The following SPANXN3 variants were observed in gnomAD, a reference collection of about 807,000 sequenced individuals.
The protein encoded by SPANXN3 is SPANX family member N3, also known as sperm protein associated with the nucleus on the X chromosome N3.
Under a neutral mutation model 1.9 loss-of-function variants are expected in SPANXN3, and 1 was observed. The ratio of observed to expected loss-of-function variants is 0.54; its 90% confidence interval spans 0.19 to 2.54. SPANXN3 has a LOEUF of 2.54. Among genes scored for constraint, SPANXN3 ranks in the 30% most tolerant of loss-of-function variants. The probability of loss-of-function intolerance (pLI) is 0.24; values close to 1 mark genes in which losing one functional copy is unlikely to be tolerated. For missense variants in SPANXN3, 113 were observed against 96.2 expected, an observed-to-expected ratio of 1.17 and a Z score of -0.73; for synonymous variants, 47 against 40.0, an observed-to-expected ratio of 1.17 and a Z score of -0.66.
intron 1 of SPANXN3, among the ~76,000 whole-genome samples, chrX:143,511,204 C>T (rs1330914160): frequency 9.0e-6 from 1 of 111,311 alleles, no homozygotes; most frequent in East Asian, 2.8e-4. Flanking sequence ...ACACCCTCCA[C>T]CAACAAGATG....
chrX:143,513,790 C>T (rs1929152279), intron 1 of SPANXN3, among the ~76,000 whole-genome samples: 1 of 111,967 alleles, frequency 8.9e-6, no homozygotes, highest in Admixed American at 9.4e-5. Context: ...TTAATGGAAG[C>T]TCTTTTAGGG....
chrX:143,513,936 A>T lies in SPANXN3; in HGVS notation c.78+3378T>A, dbSNP rs1373317643. On this transcript the variant is annotated intron_variant, in intron 1 of 1. Transcript: ENST00000370503. The stretch of plus-strand genomic sequence containing the variant: ...AGGGCCCTCACCCTAGCAAAGGGAA[A>T]GAGGGTCAACATTTACACCCATTCC... 3.6e-5 allele frequency among the ~76,000 whole-genome samples: 4 copies of T among 112,391 alleles called. No homozygotes were observed. The East Asian group carries it at 1.1e-3, about 32-fold the overall frequency.
chrX:143,510,788 G>C (rs1360612851), intron 1 of SPANXN3, among the ~76,000 whole-genome samples: 3 of 109,093 alleles, frequency 2.7e-5, no homozygotes, highest in African/African-American at 1.0e-4. Flanking sequence ...CCTTCGTCTG[G>C]CTCCTGCCCT....
chrX:143,517,383 C>G lies in SPANXN3; in HGVS notation c.9G>C (p.Gln3His). ...TCTCCCCATTGGTGCTGGAAGTTGGCTGTTCCATGATTCTGGTTGGTTGTA... is the reference window on the plus strand; with the variant it reads ...TCTCCCCATTGGTGCTGGAAGTTGGGTGTTCCATGATTCTGGTTGGTTGTA... Reference protein sequence around the residue: MEQPTSSTNGEKT... With the variant: MEHPTSSTNGEKT... The change falls in exon 1 of 2, where the codon CAG becomes CAC. Residue 3 changes from glutamine (Q) to histidine (H), a missense_variant. Gln to His is a conservative substitution (Grantham distance 24, BLOSUM62 0). Coordinates refer to ENST00000370503, the MANE Select transcript of SPANXN3 (RefSeq NM_001009609.4). The G allele has an allele frequency of 8.3e-7, 1 of 1,211,349 alleles. No individual in the cohort carries two copies. Among genetic ancestry groups the G allele is most frequent in the Non-Finnish European group, 1.1e-6 (1 of 895,162 alleles).
At chrX:143,509,744 AC>A in intron 1 of SPANXN3, 1 of 119,647 alleles carries the variant, frequency 8.4e-6, no homozygotes. Flanking sequence ...ACCTGTAAGT[AC>A]CCCAGGCTAT....
chrX:143,513,854 T>C (rs1419748978), intron 1 of SPANXN3, among the ~76,000 whole-genome samples: 1 of 111,890 alleles, frequency 8.9e-6, no homozygotes, highest in East Asian at 2.8e-4. Flanking sequence ...ACTCCTAGAA[T>C]CCAATGCTCT....
Position 143,509,294 on chromosome X carries a change from G to C in SPANXN3, c.79-132C>G, listed in dbSNP as rs782589533. 4.2e-5 allele frequency: 22 copies of C among 529,222 alleles called. No individual in the cohort carries two copies. In the East Asian group the frequency reaches 6.4e-4, roughly 15 times the overall value. The allele number at this position is 529,222 out of a possible 1,213,427, so 43.6% of individuals were successfully genotyped here. A position where few individuals can be genotyped will look rare whatever the true frequency, so the allele number is the denominator to read the frequency against. On this transcript the variant is annotated intron_variant, in intron 1 of 1. Coordinates refer to ENST00000370503, the MANE Select transcript of SPANXN3 (RefSeq NM_001009609.4). Reference sequence around the variant, plus strand: ...GGTGTGTGCCAGAGAAGAACAAGGTGAAATCATAGGGTAGGTATCTATGCA... The same window carrying C: ...GGTGTGTGCCAGAGAAGAACAAGGTCAAATCATAGGGTAGGTATCTATGCA...
At chrX:143,511,432 A>T in intron 1 of SPANXN3, among the ~76,000 whole-genome samples, 1 of 111,097 alleles carries the variant, frequency 9.0e-6, no homozygotes, top group African/African-American at 3.3e-5. Context: ...GGCAAAATCT[A>T]CCTCCATTTA....
intron 1 of SPANXN3, among the ~76,000 whole-genome samples, chrX:143,512,447 A>C (rs1929114979): frequency 9.0e-6 from 1 of 111,198 alleles, no homozygotes; most frequent in Non-Finnish European, 1.9e-5. Context: ...TCATATTCTC[A>C]AGCCTGTTAA....
chrX:143,510,796 C>T (rs1338284225), intron 1 of SPANXN3, among the ~76,000 whole-genome samples: 2 of 109,684 alleles, frequency 1.8e-5, no homozygotes, highest in African/African-American at 6.7e-5. Context: ...TGGCTCCTGC[C>T]CTCTCCCATT....
chrX:143,515,639 C>A (rs1405748464), intron 1 of SPANXN3, among the ~76,000 whole-genome samples: 1 of 110,352 alleles, frequency 9.1e-6, no homozygotes, highest in Non-Finnish European at 1.9e-5. Flanking sequence ...GAGCCCCCTT[C>A]ATCAGCCTCA....
chrX:143,510,814 C>T (rs1362431763), intron 1 of SPANXN3, among the ~76,000 whole-genome samples: 1 of 109,903 alleles, frequency 9.1e-6, no homozygotes, highest in Admixed American at 9.7e-5. Flanking sequence ...ATTCCCTCCA[C>T]CTTCTCCTTC....
intron 1 of SPANXN3, among the ~76,000 whole-genome samples, chrX:143,510,530 A>G (rs1225385521): frequency 9.0e-6 from 1 of 111,436 alleles, no homozygotes; most frequent in Non-Finnish European, 1.9e-5. Context: ...ACTCCCATCC[A>G]GAGTATTCAC....
chrX:143,514,204 G>A (rs1371640142), intron 1 of SPANXN3, among the ~76,000 whole-genome samples: 15 of 111,849 alleles, frequency 1.3e-4, no homozygotes, highest in Non-Finnish European at 2.6e-4. Flanking sequence ...AAACCCCATC[G>A]TTATTGCTCA....
intron 1 of SPANXN3, among the ~76,000 whole-genome samples, chrX:143,516,965 G>A (rs782543031): frequency 4.2e-4 from 47 of 111,956 alleles, no homozygotes; most frequent in African/African-American, 1.3e-3. Flanking sequence ...TTGCCTAATC[G>A]TCGTAACACA....
intron 1 of SPANXN3, among the ~76,000 whole-genome samples, chrX:143,515,920 C>T (rs1206899978): frequency 8.9e-6 from 1 of 112,100 alleles, no homozygotes; most frequent in Non-Finnish European, 1.9e-5. Flanking sequence ...AGCCTCTTAA[C>T]TGAATATGTT....
At position 143,517,320 on chromosome X, in the gene SPANXN3, A is replaced by AT. The variant is rs781940283; in HGVS notation, c.71dup (p.Asn24LysfsTer2). The AT allele has an allele frequency of 2.5e-6, 3 of 1,206,775 alleles. No individual in the cohort carries two copies. Among genetic ancestry groups the AT allele is most frequent in the Non-Finnish European group, 2.2e-6 (2 of 892,987 alleles). On this transcript the variant is annotated frameshift_variant, in exon 1 of 2. Coordinates refer to ENST00000370503, the MANE Select transcript of SPANXN3 (RefSeq NM_001009609.4). LOFTEE classifies it low-confidence loss of function (END_TRUNC). ...CAAAACCTGACAATCTTACCTCATC[A>AT]TTTTTTTTGTTATTGGATTCACAGG...
rs1556411185 is a variant in SPANXN3 at position 143,508,765 on chromosome X, C to T, written c.*50G>A. ...TCCTTAAACTTGATTTTATTGTAATCATCGCCATCAGTGGTGATGATTTGT... is the reference window on the plus strand; with the variant it reads ...TCCTTAAACTTGATTTTATTGTAATTATCGCCATCAGTGGTGATGATTTGT... On this transcript the variant is annotated 3_prime_UTR_variant, in exon 2 of 2. Transcript: ENST00000370503. 2.0e-6 allele frequency: 2 copies of T among 1,017,532 alleles called. No homozygotes were observed. Among genetic ancestry groups the T allele is most frequent in the Admixed American group, 2.4e-5 (1 of 41,109 alleles). The allele number at this position is 1,017,532 out of a possible 1,213,427, so 83.9% of individuals were successfully genotyped here.
At chrX:143,512,648 T>G (rs1929121007) in intron 1 of SPANXN3, among the ~76,000 whole-genome samples, 1 of 111,545 alleles carries the variant, frequency 9.0e-6, no homozygotes, top group African/African-American at 3.3e-5. Context: ...AGATGCCTAT[T>G]TCACCATTCC....
Sources: gnomAD v4.1 joint callset for allele counts (sites outside exome capture counted in the v4.1 genomes callset) on GRCh38, gnomAD v4.1.1 for gene constraint, MANE v1.5 for transcripts, NCBI Gene and HGNC (gene_info 2026-07-23, HGNC 2026-07-21) for gene names.